Variants in ASB3 observed in about 807,000 individuals in gnomAD.
ASB3 encodes ankyrin repeat and SOCS box protein 3.
In ASB3, 41 loss-of-function variants were observed where a neutral mutation model predicts 54.5. That is an observed-to-expected ratio of 0.75 (90% CI 0.59 to 0.98). The LOEUF (loss-of-function observed/expected upper bound fraction) is 0.98. ASB3 is among the 50% of genes least tolerant of loss of function. The pLI is 0.00. For synonymous variants in ASB3, 266 were observed against 221.2 expected (o/e 1.20, Z -1.80); for missense variants, 733 against 620.0 (o/e 1.18, Z -1.94).
intron 1 of ASB3, chr2:53,767,640 G>C (rs1014020542): frequency 2.0e-6 from 1 of 505,358 alleles, no homozygotes; most frequent in African/African-American, 1.9e-5. Context: ...TGCTGCAAAA[G>C]AATCCATTGC....
chr2:53,696,447 G>T (rs922824260), intron 8 of ASB3, among the ~76,000 whole-genome samples: 1 of 152,174 alleles, frequency 6.6e-6, no homozygotes, highest in Admixed American at 6.6e-5. Context: ...CCTTCTAAGA[G>T]AATAAAGCTA....
At chr2:53,753,732 G>C (rs936445031) in intron 2 of ASB3, among the ~76,000 whole-genome samples, 4 of 151,722 alleles carry the variant, frequency 2.6e-5, no homozygotes, top group Non-Finnish European at 5.9e-5. Context: ...CACCTCCCAG[G>C]TTCAAGCGAT....
chr2:53,780,270 C>T (rs1294335819), intron 1 of ASB3, among the ~76,000 whole-genome samples: 3 of 152,126 alleles, frequency 2.0e-5, no homozygotes, highest in Non-Finnish European at 2.9e-5. Flanking sequence ...TTCCCACTGA[C>T]GTACTCCCCT....
rs555908965 is a variant in ASB3, at chr2:53,759,341, C to T, written c.196+6036G>A. Reference sequence around the variant, plus strand: ...ACAGGAAAAGGAAGAAAAATCCTACCGCCTTTCTGGAGACACTAAGGGAGG... The same window carrying T: ...ACAGGAAAAGGAAGAAAAATCCTACTGCCTTTCTGGAGACACTAAGGGAGG... On this transcript the variant is annotated intron_variant, in intron 2 of 9. Coordinates refer to ENST00000263634, the MANE Select transcript of ASB3 (RefSeq NM_016115.5). Among the ~76,000 whole-genome samples, 19 of 152,276 alleles carry T rather than the reference C, an allele frequency of 1.2e-4. No individual in the cohort carries two copies. In the South Asian group the frequency reaches 3.7e-3, roughly 30 times the overall value.
chr2:53,774,387 A>G, intron 1 of ASB3: 3 of 1,613,584 alleles, frequency 1.9e-6, no homozygotes, highest in Non-Finnish European at 2.5e-6. Context: ...GTCCAAGTGG[A>G]AGAAATACAG....
chr2:53,754,048 C>T lies in ASB3; in HGVS notation c.197-3107G>A, dbSNP rs1672679345. On this transcript the variant is annotated intron_variant, in intron 2 of 9. Coordinates refer to ENST00000263634, the MANE Select transcript of ASB3 (RefSeq NM_016115.5). ...GAAACATACAAAGAGTCGGAGCACA[C>T]TGTAGGTCCAAAAAGTAAAACGTGC... Among the ~76,000 whole-genome samples the T allele has an allele frequency of 2.0e-5, 3 of 152,038 alleles. No homozygotes were observed. The South Asian group carries it at 6.2e-4, about 32-fold the overall frequency.
chr2:53,768,111 C>G, intron 1 of ASB3: 7 of 1,455,832 alleles, frequency 4.8e-6, no homozygotes, highest in Non-Finnish European at 5.6e-6. Flanking sequence ...GAGAACCACA[C>G]CTTAGCGCTT....
At chr2:53,712,215 A>AT (rs1670138736) in intron 7 of ASB3, among the ~76,000 whole-genome samples, 4 of 147,574 alleles carry the variant, frequency 2.7e-5, no homozygotes, top group African/African-American at 1.0e-4. Flanking sequence ...ATAAAAAAAT[A>AT]CAAAAAAAAA....
At chr2:53,708,302 G>A (rs113402668) in intron 7 of ASB3, among the ~76,000 whole-genome samples, 28 of 152,266 alleles carry the variant, frequency 1.8e-4, no homozygotes, top group Admixed American at 9.1e-4. Flanking sequence ...CTCTCACTTC[G>A]CCTTCTGCCA....
intron 2 of ASB3, among the ~76,000 whole-genome samples, chr2:53,756,539 A>G (rs140124241): frequency 6.6e-6 from 1 of 152,288 alleles, no homozygotes; most frequent in East Asian, 1.9e-4. Context: ...TCAGGAAGAC[A>G]TTACCATTTG....
At chr2:53,694,164 G>T in intron 8 of ASB3, 150 bp from the exon 9 acceptor site, 2 of 811,576 alleles carry the variant, frequency 2.5e-6, no homozygotes, top group South Asian at 2.0e-5. Context: ...GTAACTAGAG[G>T]CAAGATCAGA....
intron 3 of ASB3, among the ~76,000 whole-genome samples, chr2:53,742,385 C>CA (rs1671979600): frequency 6.6e-6 from 1 of 152,116 alleles, no homozygotes; most frequent in African/African-American, 2.4e-5. Context: ...CAAATCCATA[C>CA]AAAGATACAA....
At chr2:53,742,541 C>G (rs1433434048) in intron 3 of ASB3, among the ~76,000 whole-genome samples, 1 of 151,910 alleles carries the variant, frequency 6.6e-6, no homozygotes, top group East Asian at 1.9e-4. Context: ...GTTAAGGAAG[C>G]AATTGTCTCT....
intron 9 of ASB3, among the ~76,000 whole-genome samples, chr2:53,671,039 TA>T (rs1394186395): frequency 6.6e-6 from 1 of 152,264 alleles, no homozygotes; most frequent in Non-Finnish European, 1.5e-5. Flanking sequence ...ACCTTCCTCT[TA>T]ATCTATTTCA....
At chr2:53,696,529 T>C (rs993702661) in intron 8 of ASB3, among the ~76,000 whole-genome samples, 14 of 152,218 alleles carry the variant, frequency 9.2e-5, no homozygotes, top group African/African-American at 2.9e-4. Flanking sequence ...AATGTTTGAT[T>C]TTTTCCCCCT....
At chr2:53,691,654 G>T (rs1374658124) in intron 9 of ASB3, among the ~76,000 whole-genome samples, 2 of 152,068 alleles carry the variant, frequency 1.3e-5, no homozygotes, top group African/African-American at 4.8e-5. Flanking sequence ...AAAGGAGGGA[G>T]TCCCGATGAC....
chr2:53,761,580 C>G (rs1673149697), intron 2 of ASB3, among the ~76,000 whole-genome samples: 1 of 152,212 alleles, frequency 6.6e-6, no homozygotes, highest in South Asian at 2.1e-4. Context: ...CCTTTGGCCT[C>G]AGACTGAGAG....
intron 9 of ASB3, among the ~76,000 whole-genome samples, chr2:53,681,742 G>A (rs562368671): frequency 6.6e-5 from 10 of 152,222 alleles, no homozygotes; most frequent in Admixed American, 2.0e-4. Context: ...GCCAGTACCA[G>A]GCTGTTTTAG....
intron 9 of ASB3, 36 bp downstream of exon 9, chr2:53,693,848 A>G: frequency 6.3e-7 from 1 of 1,590,890 alleles, no homozygotes; most frequent in Non-Finnish European, 8.6e-7. Flanking sequence ...GAGAAGGAAA[A>G]GTAGTGAAGT....
Sources: allele counts gnomAD v4.1 joint callset (sites outside exome capture counted in the v4.1 genomes callset), GRCh38; gene constraint gnomAD v4.1.1; transcripts MANE v1.5; gene names NCBI Gene and HGNC (gene_info 2026-07-23, HGNC 2026-07-21).